The following UTRN variants were observed in gnomAD, a reference collection of about 807,000 sequenced individuals.
UTRN encodes the protein dystrophin-related protein 1.
UTRN carries 283 observed loss-of-function variants against 463.9 expected under a neutral mutation model. The ratio of observed to expected loss-of-function variants is 0.61; its 90% CI spans 0.55 to 0.67. The LOEUF is 0.67. Among genes scored for constraint, UTRN ranks in the 30% least tolerant of loss-of-function variants. The probability of loss-of-function intolerance (pLI) is 0.00; values close to 1 mark genes in which losing one functional copy is unlikely to be tolerated. For synonymous variants in UTRN, 1,442 were observed against 1,431.5 expected, an observed-to-expected ratio of 1.01 and a Z score of -0.17; for missense variants, 3,922 against 4,084.3, an observed-to-expected ratio of 0.96 and a Z score of 1.08.
At chr6:144,563,988 T>G (rs778017224) in intron 50 of UTRN, among the ~76,000 whole-genome samples, 1 of 152,270 alleles carries the variant, frequency 6.6e-6, no homozygotes, top group South Asian at 2.1e-4. Flanking sequence ...GCCCACAGTC[T>G]TTGTTTTTGT....
intron 2 of UTRN, among the ~76,000 whole-genome samples, chr6:144,354,147 C>T (rs1487498117): frequency 1.3e-5 from 2 of 152,090 alleles, no homozygotes; most frequent in Non-Finnish European, 2.9e-5. Flanking sequence ...ACTTGGGTAT[C>T]GGTTTCTAGA....
chr6:144,366,595 G>A (rs949378511), intron 2 of UTRN, among the ~76,000 whole-genome samples: 2 of 152,114 alleles, frequency 1.3e-5, no homozygotes, highest in Non-Finnish European at 2.9e-5. Flanking sequence ...CTATTTTATG[G>A]CTGCACATAT....
rs567390139 is a variant in UTRN, at chr6:144,551,393, G to A, written c.6928+311G>A. Among the ~76,000 whole-genome samples the A allele has an allele frequency of 5.9e-5, 9 of 152,186 alleles. No individual in the cohort carries two copies. In the South Asian group the frequency reaches 6.2e-4, roughly 11 times the overall value. On this transcript the variant is annotated intron_variant, in intron 48 of 74. Transcript: ENST00000367545. ...CTTTCTTTTAGAGGAATAAAAAAAG[G>A]TTAAAGGAACTCACAAGAATGCAAA...
intron 23 of UTRN, among the ~76,000 whole-genome samples, chr6:144,470,009 G>C (rs879079970): frequency 6.6e-6 from 1 of 152,138 alleles, no homozygotes; most frequent in African/African-American, 2.4e-5. Flanking sequence ...CAGAGAGCAC[G>C]GGGTTGGGGG....
intron 23 of UTRN, among the ~76,000 whole-genome samples, chr6:144,470,554 C>T (rs182618419): frequency 0.022 from 3,365 of 150,486 alleles, 41 homozygotes; most frequent in Non-Finnish European, 0.03. Flanking sequence ...GGATGACGGC[C>T]GGGAAGAGGC....
chr6:144,655,762 A>G lies in UTRN; in HGVS notation c.7480-22644A>G, dbSNP rs1779253688. The stretch of plus-strand genomic sequence containing the variant: ...TGGGAAGGGTGCCTTAAGATCCACT[A>G]TAGGAGTAAGATGTAAAGTTCTTAT... On this transcript the variant is annotated intron_variant, in intron 51 of 74. Transcript: ENST00000367545. Among the ~76,000 whole-genome samples, 4 of 152,236 alleles carry G rather than the reference A, an allele frequency of 2.6e-5. No individual in the cohort carries two copies. In the South Asian group the frequency reaches 6.2e-4, roughly 24 times the overall value.
chr6:144,690,857 A>C lies in UTRN; in HGVS notation c.7653-9230A>C, dbSNP rs563586440. 3.3e-5 allele frequency among the ~76,000 whole-genome samples: 5 copies of C among 151,404 alleles called. 1 individual carries two copies. The South Asian group carries it at 6.3e-4, about 19-fold the overall frequency. ...TGTAGGCAGTTTCTCCCTTTTTCAC[A>C]CTCTGGGGACTTACAATTTTTGGCC... is the stretch of plus-strand genomic sequence containing the variant. On this transcript the variant is annotated intron_variant, in intron 52 of 74. Transcript: ENST00000367545.
intron 61 of UTRN, among the ~76,000 whole-genome samples, chr6:144,783,833 T>C (rs1161820435): frequency 1.3e-5 from 2 of 152,216 alleles, no homozygotes; most frequent in Non-Finnish European, 2.9e-5. Context: ...TGAGGGCTCT[T>C]AAGAAACCTG....
In UTRN at chr6:144,292,201, C is replaced by T. The variant is rs592667; in HGVS notation, c.79+294C>T. On this transcript the variant is annotated intron_variant, in intron 2 of 74. Coordinates refer to ENST00000367545, the MANE Select transcript of UTRN (RefSeq NM_007124.3). ...TAAAATAAAATACGACCGAACATTT[C>T]TCTTTCTATTTTCTGGAAATTGAAG... Among the ~76,000 whole-genome samples, 78,133 of 151,992 alleles carry T rather than the reference C, an allele frequency of 0.51. 21,620 individuals carry two copies. Among genetic ancestry groups the T allele is most frequent in the African/African-American group, 0.73 (30,255 of 41,454 alleles).
intron 3 of UTRN, among the ~76,000 whole-genome samples, chr6:144,405,638 A>C (rs1783327044): frequency 6.6e-6 from 1 of 152,132 alleles, no homozygotes; most frequent in African/African-American, 2.4e-5. Context: ...GAGCAACAGG[A>C]CCTCTGTGCT....
intron 51 of UTRN, among the ~76,000 whole-genome samples, chr6:144,581,426 T>G (rs558938515): frequency 1.3e-5 from 2 of 152,314 alleles, no homozygotes; most frequent in South Asian, 2.1e-4. Context: ...TGGAGTGGTG[T>G]TGTCATGGGT....
Position 144,827,315 on chromosome 6 carries a change from T to C in UTRN, c.9495-33T>C, listed in dbSNP as rs766594802. ...TTAAATTGCTCTAAAGTGTTTGTTC[T>C]GTGACTTTTGTCTCCCTCTCCCCTC... On this transcript the variant is annotated intron_variant, in intron 66 of 74. Transcript: ENST00000367545. 7 of 1,612,552 alleles carry C rather than the reference T, an allele frequency of 4.3e-6. No individual in the cohort carries two copies. The Admixed American group carries it at 1.0e-4, about 23-fold the overall frequency.
chr6:144,750,696 T>C (rs1482554075), intron 55 of UTRN, among the ~76,000 whole-genome samples: 1 of 152,198 alleles, frequency 6.6e-6, no homozygotes, highest in Non-Finnish European at 1.5e-5. Context: ...AATATCCCAG[T>C]TCCATTATCC....
intron 2 of UTRN, among the ~76,000 whole-genome samples, chr6:144,341,206 A>G (rs1777115079): frequency 6.6e-6 from 1 of 152,352 alleles, no homozygotes; most frequent in Admixed American, 6.5e-5. Flanking sequence ...ATTTTTTAGA[A>G]GATGGATGAG....
intron 3 of UTRN, 91 bp from the exon 4 acceptor site, chr6:144,421,787 A>C: frequency 1.1e-6 from 1 of 914,796 alleles, no homozygotes; most frequent in Non-Finnish European, 1.5e-6. Flanking sequence ...TAATTGAGCA[A>C]AAAATGAAGC....
intron 2 of UTRN, among the ~76,000 whole-genome samples, chr6:144,337,194 C>CCA (rs772582196): frequency 0.12 from 15,395 of 126,606 alleles, 1,093 homozygotes; most frequent in African/African-American, 0.28. Context: ...CACACACACA[C>CCA]CACACACACA....
intron 2 of UTRN, among the ~76,000 whole-genome samples, chr6:144,337,532 A>C (rs942234291): frequency 2.0e-5 from 3 of 152,168 alleles, no homozygotes; most frequent in African/African-American, 7.2e-5. Flanking sequence ...CAATACTTAA[A>C]TATGATTTCC....
intron 2 of UTRN, among the ~76,000 whole-genome samples, chr6:144,316,325 T>C (rs1282953335): frequency 1.3e-5 from 2 of 152,236 alleles, no homozygotes; most frequent in South Asian, 2.1e-4. Context: ...GTGGGCACAA[T>C]GTTGTTGCCA....
intron 28 of UTRN, 73 bp downstream of exon 28, chr6:144,485,592 T>C (rs1792360439): frequency 1.3e-6 from 2 of 1,585,436 alleles, no homozygotes; most frequent in Admixed American, 3.6e-5. Flanking sequence ...ATGAGGAATG[T>C]AATGCTTTAC....
Sources: allele counts gnomAD v4.1 joint callset (sites outside exome capture counted in the v4.1 genomes callset), GRCh38; gene constraint gnomAD v4.1.1; transcripts MANE v1.5; gene names NCBI Gene and HGNC (gene_info 2026-07-23, HGNC 2026-07-21).